ENTREP2: variants seen among roughly 807,000 people sequenced by gnomAD.
ENTREP2 encodes endosomal transmembrane epsin interactor 2.
At chr15:29,654,093 T>C in the ENTREP2 span, among the ~76,000 whole-genome samples, 1 of 152,228 alleles carries the variant, frequency 6.6e-6, no homozygotes, top group African/African-American at 2.4e-5. Context: ...GCTATAATTA[T>C]ACTTATCTTA....
At chr15:29,497,245 T>A in the ENTREP2 span, among the ~76,000 whole-genome samples, 3 of 152,212 alleles carry the variant, frequency 2.0e-5, no homozygotes, top group Non-Finnish European at 4.4e-5. Flanking sequence ...ATTTTCTATG[T>A]AAGTTACCAA....
the ENTREP2 span, among the ~76,000 whole-genome samples, chr15:29,341,940 C>T: frequency 6.6e-6 from 1 of 152,184 alleles, no homozygotes; most frequent in Non-Finnish European, 1.5e-5. Context: ...CAAGAAGCCA[C>T]TGAAAGCTTT....
At chr15:29,547,302 C>G in the ENTREP2 span, among the ~76,000 whole-genome samples, 1 of 151,820 alleles carries the variant, frequency 6.6e-6, no homozygotes, top group East Asian at 1.9e-4. Flanking sequence ...ATTGGCCAGG[C>G]TGGTCTCAAA....
At chr15:29,420,259 T>G in the ENTREP2 span, among the ~76,000 whole-genome samples, 1 of 152,104 alleles carries the variant, frequency 6.6e-6, no homozygotes, top group South Asian at 2.1e-4. Flanking sequence ...ACATGCAAGC[T>G]TTCTTAAAAG....
chr15:29,596,363 T>C, the ENTREP2 span, among the ~76,000 whole-genome samples: 108,796 of 152,082 alleles, frequency 0.72, 39,085 homozygotes, highest in South Asian at 0.8. Context: ...GAATCTCCCA[T>C]GCCTGCAGTG....
chr15:29,491,316 C>T, the ENTREP2 span, among the ~76,000 whole-genome samples: 138 of 152,160 alleles, frequency 9.1e-4, 1 homozygote, highest in Non-Finnish European at 1.6e-3. Context: ...CAGAGTGGGG[C>T]TCCTACAGTG....
chr15:29,452,432 G>T, the ENTREP2 span: 70,308 of 151,842 alleles, frequency 0.46, 17,040 homozygotes, highest in Non-Finnish European at 0.53. Flanking sequence ...ATGCCACATG[G>T]TATGGAATGG....
chr15:29,554,827 TA>T, the ENTREP2 span, among the ~76,000 whole-genome samples: 176 of 152,268 alleles, frequency 1.2e-3, 1 homozygote, highest in African/African-American at 4.0e-3. Context: ...TATTTCCATC[TA>T]AAAGGCATGG....
the ENTREP2 span, among the ~76,000 whole-genome samples, chr15:29,307,157 A>G: frequency 2.0e-5 from 3 of 152,216 alleles, no homozygotes; most frequent in Admixed American, 6.5e-5. Context: ...TTTCAAATGT[A>G]TCTCTCTACT....
chr15:29,311,691 C>A, the ENTREP2 span, among the ~76,000 whole-genome samples: 2 of 151,676 alleles, frequency 1.3e-5, no homozygotes, highest in African/African-American at 4.8e-5. Flanking sequence ...CTCCATCCCC[C>A]CCCCAAAAAA....
chr15:29,565,568 T>A, the ENTREP2 span, among the ~76,000 whole-genome samples: 1 of 152,202 alleles, frequency 6.6e-6, no homozygotes, highest in East Asian at 1.9e-4. Flanking sequence ...TAATAATGAG[T>A]TATGGCTGGG....
the ENTREP2 span, among the ~76,000 whole-genome samples, chr15:29,484,559 A>G: frequency 6.6e-6 from 1 of 152,152 alleles, no homozygotes; most frequent in African/African-American, 2.4e-5. Flanking sequence ...GCATGTGTAC[A>G]CACACACACG....
the ENTREP2 span, among the ~76,000 whole-genome samples, chr15:29,171,658 G>T: frequency 2.0e-5 from 3 of 152,004 alleles, no homozygotes; most frequent in Admixed American, 6.5e-5. Flanking sequence ...ATGTAAAGGC[G>T]ATTAGGTACT....
the ENTREP2 span, among the ~76,000 whole-genome samples, chr15:29,142,300 T>A: frequency 6.6e-6 from 1 of 152,234 alleles, no homozygotes; most frequent in African/African-American, 2.4e-5. Flanking sequence ...GATGACTGGT[T>A]GACAGATGCT....
At chr15:29,649,615 G>A in the ENTREP2 span, among the ~76,000 whole-genome samples, 1 of 151,656 alleles carries the variant, frequency 6.6e-6, no homozygotes, top group African/African-American at 2.4e-5. Flanking sequence ...CAGCTACTTG[G>A]AGGCTGAGGC....
chr15:29,292,632 C>T, the ENTREP2 span, among the ~76,000 whole-genome samples: 3 of 152,274 alleles, frequency 2.0e-5, no homozygotes, highest in Admixed American at 1.3e-4. Flanking sequence ...CTGCCCTGCT[C>T]GGCCTCCCAA....
At chr15:29,592,722 G>C in the ENTREP2 span, among the ~76,000 whole-genome samples, 1 of 152,148 alleles carries the variant, frequency 6.6e-6, no homozygotes, top group African/African-American at 2.4e-5. Context: ...GAGGTGTTTG[G>C]GTTGTGAGGA....
the ENTREP2 span, among the ~76,000 whole-genome samples, chr15:29,674,202 G>A: frequency 7.1e-6 from 1 of 140,642 alleles, no homozygotes; most frequent in Non-Finnish European, 1.5e-5. Context: ...TCAACTCCTC[G>A]CTACCCCAGC....
the ENTREP2 span, among the ~76,000 whole-genome samples, chr15:29,343,995 T>C: frequency 7.2e-5 from 11 of 152,350 alleles, no homozygotes; most frequent in Non-Finnish European, 1.0e-4. Flanking sequence ...TGCAATTCTT[T>C]TAAACATGAA....
Sources: gnomAD v4.1 joint callset for allele counts (sites outside exome capture counted in the v4.1 genomes callset) on GRCh38, gnomAD v4.1.1 for gene constraint, MANE v1.5 for transcripts, NCBI Gene and HGNC (gene_info 2026-07-23, HGNC 2026-07-21) for gene names.